Variants in PDCD7 observed in about 807,000 individuals in gnomAD.
PDCD7 encodes programmed cell death protein 7.
PDCD7 carries 40 observed loss-of-function variants against 42.1 expected under a neutral mutation model. The ratio of observed to expected loss-of-function variants is 0.95; its 90% confidence interval spans 0.74 to 1.24. The LOEUF (loss-of-function observed/expected upper bound fraction) is 1.24, where lower values mean the gene tolerates loss of function less well. Among genes scored for constraint, PDCD7 ranks in the 50% most tolerant of loss-of-function variants. The probability of loss-of-function intolerance (pLI) is 0.00; values close to 1 mark genes in which losing one functional copy is unlikely to be tolerated. For missense variants in PDCD7, 644 were observed against 662.8 expected, an observed-to-expected ratio of 0.97 and a Z score of 0.31; for synonymous variants, 299 against 303.3, an observed-to-expected ratio of 0.99 and a Z score of 0.15.
intron 1 of PDCD7, among the ~76,000 whole-genome samples, chr15:65,132,555 T>G (rs906215905): frequency 1.3e-5 from 2 of 152,100 alleles, no homozygotes; most frequent in Non-Finnish European, 2.9e-5. Flanking sequence ...CGGCCTGTAT[T>G]TTGTATTCTT....
chr15:65,127,058 G>A (rs544919998), intron 2 of PDCD7, among the ~76,000 whole-genome samples: 13 of 152,028 alleles, frequency 8.6e-5, no homozygotes, highest in African/African-American at 2.4e-4. Flanking sequence ...CATACTACCC[G>A]TGCCCAATAG....
At position 65,132,926 on chromosome 15, in the gene PDCD7, C is replaced by G; in HGVS notation, c.856G>C (p.Glu286Gln). The change falls in exon 1 of 5, where the codon GAG becomes CAG. Residue 286 changes from glutamate (E) to glutamine (Q), a missense_variant. Glu to Gln is a conservative substitution (Grantham distance 29). Transcript: ENST00000204549. ...GCTGCTCTCACCCGCTTCTTCTCCT[C>G]CACCTCCTGCACACACTTCACCCTC... is the stretch of plus-strand genomic sequence containing the variant. ...RWRVKCVQEV[E>Q]EKKREQELKA... 6.2e-7 allele frequency: 1 copy of G among 1,604,900 alleles called. No homozygotes were observed. Among genetic ancestry groups the G allele is most frequent in the East Asian group, 2.2e-5 (1 of 44,870 alleles).
intron 1 of PDCD7, among the ~76,000 whole-genome samples, chr15:65,131,493 A>G (rs2140587285): frequency 6.6e-6 from 1 of 152,342 alleles, no homozygotes; most frequent in South Asian, 2.1e-4. Flanking sequence ...TCACGCCTGT[A>G]ATCCCAGCAC....
chr15:65,127,711 T>G (rs2087508253), intron 2 of PDCD7, among the ~76,000 whole-genome samples: 1 of 152,194 alleles, frequency 6.6e-6, no homozygotes, highest in South Asian at 2.1e-4. Flanking sequence ...CCACAAAGTC[T>G]GTTTATTTCT....
chr15:65,123,211 C>T (rs763676239), intron 2 of PDCD7, among the ~76,000 whole-genome samples: 2 of 152,146 alleles, frequency 1.3e-5, no homozygotes, highest in Non-Finnish European at 2.9e-5. Flanking sequence ...TGTTTTGAGA[C>T]GGAGTCTCGC....
chr15:65,133,186 T>C lies in PDCD7; in HGVS notation c.596A>G (p.Glu199Gly). The C allele has an allele frequency of 6.9e-7, 1 of 1,446,324 alleles. No homozygotes were observed. The highest frequency in any genetic ancestry group is 1.4e-5 in the South Asian group (1 of 71,328). 89.6% of individuals were successfully genotyped at this position (1,446,324 alleles called of 1,614,324 possible). Reference protein sequence around the residue: ...RGLSQALREAEADGAAWVLLY... With the variant: ...RGLSQALREAGADGAAWVLLY... ...CAGGACCCAGGCCGCGCCGTCGGCT[T>C]CGGCCTCGCGCAGGGCCTGGCTCAG... Residue 199 changes from glutamate (E) to glycine (G), a missense_variant, in exon 1 of 5, where the codon GAA becomes GGA. Glu to Gly is a moderately conservative substitution (Grantham distance 98). Coordinates refer to ENST00000204549, the MANE Select transcript of PDCD7 (RefSeq NM_005707.2).
intron 2 of PDCD7, among the ~76,000 whole-genome samples, chr15:65,122,870 C>T (rs2087467915): frequency 1.3e-5 from 2 of 151,856 alleles, no homozygotes; most frequent in Admixed American, 1.3e-4. Flanking sequence ...GGCGTGGTGG[C>T]AGGTGCCTGT....
chr15:65,133,075 C>T lies in PDCD7; in HGVS notation c.707G>A (p.Arg236Gln). 1 of 1,573,964 alleles carries T rather than the reference C, an allele frequency of 6.4e-7. No individual in the cohort carries two copies. Among genetic ancestry groups the T allele is most frequent in the Non-Finnish European group, 8.6e-7 (1 of 1,166,442 alleles). ...GCGCCGGACCCTCTCCAGCCTCCTCCGCGCCTCGCCCACATAGGCAGCCTG... is the reference window on the plus strand; with the variant it reads ...GCGCCGGACCCTCTCCAGCCTCCTCTGCGCCTCGCCCACATAGGCAGCCTG... Reference protein sequence around the residue: ...LTQAAYVGEARRRLERVRRRR... With the variant: ...LTQAAYVGEAQRRLERVRRRR... The change falls in exon 1 of 5, where the codon CGG becomes CAG. Residue 236 changes from arginine to glutamine, a missense_variant. Physicochemically the swap from Arg to Gln is conservative, Grantham distance 43 (BLOSUM62 1). Transcript: ENST00000204549.
chr15:65,118,518 T>C lies in PDCD7; in HGVS notation c.*199A>G. 3 of 481,870 alleles carry C rather than the reference T, an allele frequency of 6.2e-6. No individual in the cohort carries two copies. The highest frequency in any genetic ancestry group is 1.0e-5 in the Non-Finnish European group (3 of 295,880). The allele number at this position is 481,870 out of a possible 1,614,324, so 29.8% of individuals were successfully genotyped here. A position where few individuals can be genotyped will look rare whatever the true frequency, so the allele number is the denominator to read the frequency against. ...AAAACCTCAGTTCACCTAAGTCCTT[T>C]CCTGAAAAACCACATTAATCTGATT... is the stretch of plus-strand genomic sequence containing the variant. On this transcript the variant is annotated 3_prime_UTR_variant, in exon 5 of 5. Coordinates refer to ENST00000204549, the MANE Select transcript of PDCD7 (RefSeq NM_005707.2).
intron 2 of PDCD7, among the ~76,000 whole-genome samples, chr15:65,126,593 A>C (rs1055185227): frequency 2.0e-5 from 3 of 152,058 alleles, no homozygotes; most frequent in Non-Finnish European, 2.9e-5. Flanking sequence ...ATCTCTACAA[A>C]AAATTTAAAA....
chr15:65,120,083 C>A lies in PDCD7; in HGVS notation c.1010-129G>T, dbSNP rs1396518706. 3.2e-6 allele frequency: 3 copies of A among 940,416 alleles called. No homozygotes were observed. The African/African-American group carries it at 5.0e-5, about 16-fold the overall frequency. 58.3% of individuals were successfully genotyped at this position (940,416 alleles called of 1,614,324 possible). ...GCAACTTCAAACTCCTGGGCTCAAC[C>A]CATCCTCCCACCTTGGCTTCCCAAG... On this transcript the variant is annotated intron_variant, in intron 2 of 4. Coordinates refer to ENST00000204549, the MANE Select transcript of PDCD7 (RefSeq NM_005707.2).
intron 1 of PDCD7, among the ~76,000 whole-genome samples, chr15:65,130,611 A>G (rs2087531985): frequency 6.6e-6 from 1 of 152,178 alleles, no homozygotes; most frequent in Non-Finnish European, 1.5e-5. Flanking sequence ...AAGCTGTTTC[A>G]CTTCTCCATT....
chr15:65,130,472 T>TA (rs1235009918), intron 1 of PDCD7, among the ~76,000 whole-genome samples: 1 of 152,026 alleles, frequency 6.6e-6, no homozygotes, highest in Non-Finnish European at 1.5e-5. Flanking sequence ...CCTGTCTCCT[T>TA]AAAACAATAA....
chr15:65,130,185 A>T (rs1595929025), intron 1 of PDCD7, among the ~76,000 whole-genome samples: 4 of 102,752 alleles, frequency 3.9e-5, no homozygotes, highest in African/African-American at 3.9e-5. Flanking sequence ...TTTGAGATGG[A>T]GTCTCGCTGT....
intron 1 of PDCD7, among the ~76,000 whole-genome samples, chr15:65,132,355 C>G (rs902253704): frequency 6.6e-6 from 1 of 151,000 alleles, no homozygotes; most frequent in East Asian, 2.0e-4. Context: ...GCGATCTCGG[C>G]TCACTGCAAC....
chr15:65,131,797 CCA>C (rs1050631369), intron 1 of PDCD7, among the ~76,000 whole-genome samples: 5 of 151,996 alleles, frequency 3.3e-5, no homozygotes, highest in African/African-American at 1.2e-4. Flanking sequence ...TGAACAATTT[CCA>C]GTTTTACCCT....
chr15:65,129,261 G>C (rs2087520699), intron 1 of PDCD7, 91 bp from the exon 2 acceptor site: 1 of 1,404,096 alleles, frequency 7.1e-7, no homozygotes, highest in Non-Finnish European at 9.8e-7. Context: ...TAAAGGATCA[G>C]ACAGTCTCCA....
chr15:65,118,841 C>A lies in PDCD7; in HGVS notation c.1335-1G>T. 1 of 1,577,336 alleles carries A rather than the reference C, an allele frequency of 6.3e-7. No homozygotes were observed. The highest frequency in any genetic ancestry group is 8.6e-7 in the Non-Finnish European group (1 of 1,163,292). The stretch of plus-strand genomic sequence containing the variant: ...CACCAGGTACTGATCCCAATCATGC[C>A]TTAATAAGAACATTATAGAACAACT... On this transcript the variant is annotated splice_acceptor_variant, in intron 4 of 4. Coordinates refer to ENST00000204549, the MANE Select transcript of PDCD7 (RefSeq NM_005707.2). LOFTEE classifies it high-confidence loss of function.
chr15:65,132,075 CATAT>C (rs1248230895), intron 1 of PDCD7, among the ~76,000 whole-genome samples: 1 of 145,284 alleles, frequency 6.9e-6, no homozygotes, highest in South Asian at 2.2e-4. Flanking sequence ...CACATACATA[CATAT>C]ATATACACAT....
Sources: allele counts gnomAD v4.1 joint callset (sites outside exome capture counted in the v4.1 genomes callset), GRCh38; gene constraint gnomAD v4.1.1; transcripts MANE v1.5; gene names NCBI Gene and HGNC (gene_info 2026-07-23, HGNC 2026-07-21).